Variants in WARS2 observed in about 807,000 individuals in gnomAD.
WARS2 encodes the protein tryptophanyl tRNA synthetase 2, mitochondrial, also known as tryptophan--tRNA ligase, mitochondrial.
Under a neutral mutation model 36.5 loss-of-function variants are expected in WARS2, and 28 were observed. The observed-to-expected ratio is 0.77, with a 90% confidence interval of 0.57 to 1.05. WARS2 has a LOEUF of 1.05. Among genes scored for constraint, WARS2 ranks in the 50% least tolerant of loss-of-function variants. WARS2 has a pLI of 0.00. For missense variants in WARS2, 435 were observed against 456.8 expected, an observed-to-expected ratio of 0.95 and a Z score of 0.44; for synonymous variants, 174 against 178.4, an observed-to-expected ratio of 0.98 and a Z score of 0.20.
intron 2 of WARS2, among the ~76,000 whole-genome samples, chr1:119,066,391 T>G (rs995034761): frequency 6.9e-6 from 1 of 144,634 alleles, no homozygotes; most frequent in East Asian, 2.1e-4. Context: ...GGCAGGAGAA[T>G]GGCGTGAACC....
At chr1:119,083,153 C>A (rs587749483) in intron 1 of WARS2, among the ~76,000 whole-genome samples, 1 of 152,110 alleles carries the variant, frequency 6.6e-6, no homozygotes, top group Admixed American at 6.6e-5. Context: ...CACTTGAACC[C>A]GGGAGGCAGA....
Position 119,034,199 on chromosome 1 carries a change from G to A in WARS2, c.530C>T (p.Pro177Leu). 6.2e-7 allele frequency: 1 copy of A among 1,613,842 alleles called. No individual in the cohort carries two copies. The highest frequency in any genetic ancestry group is 8.5e-7 in the Non-Finnish European group (1 of 1,179,802). ...DILLYKSTHV[P>L]VGEDQVQHME... ...GTGCTGGACTTGATCCTCCCCAACA[G>A]GAACGTGTGTGGACCTTTAATAAAA... The change falls in exon 5 of 6, where the codon CCT (proline) becomes CTT (leucine). Residue 177 changes from proline (P) to leucine (L), a missense_variant. Pro to Leu is a moderately conservative substitution (Grantham distance 98). Transcript: ENST00000235521.
At chr1:119,073,613 T>A (rs1651497127) in intron 2 of WARS2, among the ~76,000 whole-genome samples, 1 of 152,188 alleles carries the variant, frequency 6.6e-6, no homozygotes, top group South Asian at 2.1e-4. Context: ...GACGGGCACA[T>A]ACCAGTCAAG....
At chr1:119,077,451 A>T (rs934166173) in intron 1 of WARS2, among the ~76,000 whole-genome samples, 15 of 152,182 alleles carry the variant, frequency 9.9e-5, no homozygotes, top group African/African-American at 3.6e-4. Flanking sequence ...GCTAAAGGCT[A>T]CTACTATTGC....
At chr1:119,082,473 C>G (rs191715570) in intron 1 of WARS2, 260 of 984,748 alleles carry the variant, frequency 2.6e-4, no homozygotes, top group Middle Eastern at 1.6e-3. Context: ...TCATAGGCAT[C>G]ATTTTCTAGG....
intron 3 of WARS2, among the ~76,000 whole-genome samples, chr1:119,044,632 GC>G (rs988628658): frequency 1.3e-5 from 2 of 152,150 alleles, no homozygotes; most frequent in African/African-American, 4.8e-5. Flanking sequence ...CAAGATTAAG[GC>G]AAAGTCAGTG....
intron 1 of WARS2, among the ~76,000 whole-genome samples, chr1:119,092,156 CTT>C (rs1481355021): frequency 6.6e-6 from 1 of 152,146 alleles, no homozygotes; most frequent in Non-Finnish European, 1.5e-5. Flanking sequence ...TGGGTACAAA[CTT>C]AGGAATTCCT....
rs1406041903 is a variant in WARS2, at chr1:119,032,636, C to G, written c.*275G>C. 2.3e-6 allele frequency: 1 copy of G among 434,798 alleles called. No homozygotes were observed. The highest frequency in any genetic ancestry group is 4.1e-6 in the Non-Finnish European group (1 of 244,238). 26.9% of individuals were successfully genotyped at this position (434,798 alleles called of 1,614,324 possible). ...ACTCCTTACTTCAATCACATTTCTG[C>G]AGGCCAAGGAGTGTGCCTCAATAAT... On this transcript the variant is annotated 3_prime_UTR_variant, in exon 6 of 6. Coordinates refer to ENST00000235521, the MANE Select transcript of WARS2 (RefSeq NM_015836.4).
At chr1:119,039,623 C>T (rs1350620561) in intron 4 of WARS2, among the ~76,000 whole-genome samples, 1 of 152,102 alleles carries the variant, frequency 6.6e-6, no homozygotes, top group Non-Finnish European at 1.5e-5. Flanking sequence ...TTGTACTTAT[C>T]ATACTCTCAA....
chr1:119,089,733 CT>C (rs758308319), intron 1 of WARS2, among the ~76,000 whole-genome samples: 10 of 152,264 alleles, frequency 6.6e-5, no homozygotes, highest in Middle Eastern at 3.4e-3. Flanking sequence ...GGTGTTCCCC[CT>C]GATCATTTAA....
At chr1:119,077,891 T>G (rs189381559) in intron 1 of WARS2, among the ~76,000 whole-genome samples, 1 of 152,296 alleles carries the variant, frequency 6.6e-6, no homozygotes, top group East Asian at 1.9e-4. Flanking sequence ...GAAAATATAA[T>G]GCATCATTAT....
intron 2 of WARS2, among the ~76,000 whole-genome samples, chr1:119,066,586 A>C (rs1021373040): frequency 6.6e-6 from 1 of 152,190 alleles, no homozygotes; most frequent in Non-Finnish European, 1.5e-5. Context: ...CAATAGGAAA[A>C]TACAATTAAA....
chr1:119,110,116 C>T (rs1490899652), intron 1 of WARS2, among the ~76,000 whole-genome samples: 2 of 151,872 alleles, frequency 1.3e-5, no homozygotes, highest in Admixed American at 1.3e-4. Flanking sequence ...CATATGTAAT[C>T]AAATACATTG....
At chr1:119,077,640 G>C (rs978772852) in intron 1 of WARS2, among the ~76,000 whole-genome samples, 4 of 151,694 alleles carry the variant, frequency 2.6e-5, no homozygotes, top group African/African-American at 9.7e-5. Context: ...TTCTTCAAAA[G>C]GAAATTTTAA....
At chr1:119,068,187 A>G (rs768222564) in intron 2 of WARS2, among the ~76,000 whole-genome samples, 2 of 152,204 alleles carry the variant, frequency 1.3e-5, no homozygotes, top group Admixed American at 6.5e-5. Flanking sequence ...TATTGTTGGT[A>G]GCGAACAACT....
In WARS2 at chr1:119,033,045, T is replaced by G; in HGVS notation, c.949A>C (p.Ile317Leu). ...TTCAGTTTTTCAATTTCACGCTTAA[T>G]TGGGGCAAACTTCTCAATCACAGCA... ...ADAVIEKFAPIKREIEKLKLD... is the reference protein window; with the variant it reads ...ADAVIEKFAPLKREIEKLKLD... The change falls in exon 6 of 6, where the codon ATT becomes CTT. Residue 317 changes from isoleucine to leucine, a missense_variant. Coordinates refer to ENST00000235521, the MANE Select transcript of WARS2 (RefSeq NM_015836.4). The G allele has an allele frequency of 6.2e-7, 1 of 1,614,248 alleles. No homozygotes were observed. The highest frequency in any genetic ancestry group is 8.5e-7 in the Non-Finnish European group (1 of 1,180,034).
chr1:119,068,558 G>A (rs1651051988), intron 2 of WARS2, among the ~76,000 whole-genome samples: 1 of 152,102 alleles, frequency 6.6e-6, no homozygotes. Context: ...AATATCTGGT[G>A]GCCCCAACTG....
chr1:119,054,890 G>T (rs1649645415), intron 2 of WARS2, among the ~76,000 whole-genome samples: 1 of 152,172 alleles, frequency 6.6e-6, no homozygotes, highest in African/African-American at 2.4e-5. Context: ...GAGTTGCCAG[G>T]AACTGTGGGG....
intron 1 of WARS2, chr1:119,085,762 T>C: frequency 6.3e-7 from 1 of 1,595,880 alleles, no homozygotes; most frequent in Non-Finnish European, 8.6e-7. Flanking sequence ...ATGAGATTAA[T>C]GTTAACAATC....
Sources: gnomAD v4.1 joint callset for allele counts (sites outside exome capture counted in the v4.1 genomes callset) on GRCh38, gnomAD v4.1.1 for gene constraint, MANE v1.5 for transcripts, NCBI Gene and HGNC (gene_info 2026-07-23, HGNC 2026-07-21) for gene names.